The following PPHLN1 variants were observed in gnomAD, a reference collection of about 807,000 sequenced individuals.
PPHLN1 encodes the protein periphilin-1.
PPHLN1 carries 29 observed loss-of-function variants against 51.3 expected under a neutral mutation model. The ratio of observed to expected loss-of-function variants is 0.57; its 90% CI spans 0.42 to 0.77. PPHLN1 has a LOEUF of 0.77. Among genes scored for constraint, PPHLN1 ranks in the 30% least tolerant of loss-of-function variants. PPHLN1 has a pLI of 0.00. For missense variants in PPHLN1, 436 were observed against 438.4 expected, an observed-to-expected ratio of 0.99 and a Z score of 0.05; for synonymous variants, 147 against 147.8, an observed-to-expected ratio of 0.99 and a Z score of 0.04.
chr12:42,344,393 C>T (rs890944675), intron 2 of PPHLN1, among the ~76,000 whole-genome samples: 4 of 152,202 alleles, frequency 2.6e-5, no homozygotes, highest in South Asian at 2.1e-4. Context: ...AATCGACTAT[C>T]AGCTTCATTG....
At chr12:42,397,771 C>G (rs1261238922) in intron 8 of PPHLN1, among the ~76,000 whole-genome samples, 4 of 152,000 alleles carry the variant, frequency 2.6e-5, no homozygotes, top group African/African-American at 7.2e-5. Flanking sequence ...GTGTCTGGCT[C>G]TGTCGCCAGG....
In PPHLN1 at chr12:42,441,394, T is replaced by C; in HGVS notation, c.989T>C (p.Ile330Thr). The C allele has an allele frequency of 6.2e-7, 1 of 1,614,100 alleles. No individual in the cohort carries two copies. The highest frequency in any genetic ancestry group is 2.2e-5 in the East Asian group (1 of 44,878). The change falls in exon 10 of 10, where the codon ATA becomes ACA. Residue 330 changes from isoleucine to threonine, a missense_variant. Transcript: ENST00000358314. ...IEKDPSLEKS[I>T]QFALRQNLHE... The stretch of plus-strand genomic sequence containing the variant: ...AAAGATCCTTCATTAGAAAAGTCTA[T>C]ACAGTTTGCATTGAGGCAGAATTTA...
chr12:42,417,922 TTTTTTTTTTGTTTTTTTTTTG>T (rs1358956261), intron 9 of PPHLN1, among the ~76,000 whole-genome samples: 3 of 42,294 alleles, frequency 7.1e-5, no homozygotes, highest in Non-Finnish European at 7.9e-5. Flanking sequence ...AAGCCCTAGT[TTTTTTTTTTGTTTTTTTTTTG>T]TTTTTTTTTT....
At chr12:42,403,788 G>A (rs921821628) in intron 9 of PPHLN1, among the ~76,000 whole-genome samples, 4 of 152,120 alleles carry the variant, frequency 2.6e-5, no homozygotes, top group Non-Finnish European at 5.9e-5. Flanking sequence ...TCCAGTAAAG[G>A]TAATCCCCAT....
chr12:42,433,163 T>G, intron 9 of PPHLN1: 1 of 770,510 alleles, frequency 1.3e-6, no homozygotes, highest in Non-Finnish European at 2.4e-6. Flanking sequence ...TGACATAAAA[T>G]TCTCCTTTCA....
chr12:42,341,823 G>A (rs1428267655), intron 2 of PPHLN1, among the ~76,000 whole-genome samples: 1 of 151,970 alleles, frequency 6.6e-6, no homozygotes, highest in Admixed American at 6.6e-5. Context: ...GGGTTTCACC[G>A]TGTTAGCCAG....
downstream of PPHLN1, chr12:42,446,125 G>A (rs755479953): frequency 6.4e-7 from 1 of 1,568,448 alleles, no homozygotes; most frequent in South Asian, 1.2e-5. Context: ...GGGTTCGTCG[G>A]ACGACACAGC....
chr12:42,351,779 T>A, intron 2 of PPHLN1, 106 bp from the exon 3 acceptor site: 2 of 817,816 alleles, frequency 2.4e-6, no homozygotes, highest in East Asian at 3.3e-5. Context: ...GTTTATACAT[T>A]TAGCTCATTC....
At chr12:42,386,322 C>T (rs997106748) in intron 6 of PPHLN1, among the ~76,000 whole-genome samples, 1 of 152,192 alleles carries the variant, frequency 6.6e-6, no homozygotes, top group Non-Finnish European at 1.5e-5. Flanking sequence ...CAAAATTGTC[C>T]TCAGTTAAGA....
chr12:42,414,594 T>A lies in PPHLN1; in HGVS notation c.909+15600T>A, dbSNP rs553393939. 8.1e-4 allele frequency among the ~76,000 whole-genome samples: 124 copies of A among 152,330 alleles called. 2 individuals are homozygous for A. In the Middle Eastern group the frequency reaches 0.02, roughly 25 times the overall value. ...ATTCTCAGCTTGGTCGTTGTTGGTG[T>A]ATAGCAGTGCTACTGATTCATATAC... On this transcript the variant is annotated intron_variant, in intron 9 of 9. Transcript: ENST00000358314.
At chr12:42,341,496 T>G (rs895540361) in intron 2 of PPHLN1, among the ~76,000 whole-genome samples, 2 of 152,230 alleles carry the variant, frequency 1.3e-5, no homozygotes, top group Non-Finnish European at 2.9e-5. Context: ...AATTGAACAC[T>G]AATATACTTT....
intron 9 of PPHLN1, among the ~76,000 whole-genome samples, chr12:42,401,944 C>A (rs2078880584): frequency 6.6e-6 from 1 of 152,016 alleles, no homozygotes; most frequent in South Asian, 2.1e-4. Flanking sequence ...AGCCACCACC[C>A]CCCAGGCTCA....
chr12:42,335,794 A>G (rs556199310), intron 1 of PPHLN1, 89 bp from the exon 2 acceptor site: 1 of 554,798 alleles, frequency 1.8e-6, no homozygotes, highest in South Asian at 5.4e-5. Context: ...TCTGGAAAAT[A>G]TTTGTGTTGG....
intron 2 of PPHLN1, among the ~76,000 whole-genome samples, chr12:42,349,191 C>T (rs867043309): frequency 1.3e-5 from 2 of 152,042 alleles, no homozygotes; most frequent in African/African-American, 4.8e-5. Context: ...TATTTTTTTC[C>T]GTAGATTTGC....
chr12:42,366,218 C>T lies in PPHLN1; in HGVS notation c.300-8645C>T, dbSNP rs117679614. ...GGTTTTTACAGCTAACCACTAGTAC[C>T]GGACACTTTTTTTTTTTTTTTTTTT... On this transcript the variant is annotated intron_variant, in intron 4 of 9. Coordinates refer to ENST00000358314, the MANE Select transcript of PPHLN1 (RefSeq NM_201439.2). Among the ~76,000 whole-genome samples, 1,103 of 141,964 alleles carry T rather than the reference C, an allele frequency of 7.8e-3. 38 individuals are homozygous for T. The East Asian group carries it at 0.11, about 14-fold the overall frequency. 93.1% of individuals were successfully genotyped at this position (141,964 alleles called of 152,430 possible).
intron 4 of PPHLN1, among the ~76,000 whole-genome samples, chr12:42,370,432 C>T (rs1256902607): frequency 6.6e-6 from 1 of 152,194 alleles, no homozygotes; most frequent in Non-Finnish European, 1.5e-5. Flanking sequence ...ATTACTGAGA[C>T]AAAGGCCTTT....
At chr12:42,328,146 G>A (rs567177321) in intron 1 of PPHLN1, among the ~76,000 whole-genome samples, 93 of 152,274 alleles carry the variant, frequency 6.1e-4, no homozygotes, top group African/African-American at 1.9e-3. Flanking sequence ...TAGGTTTTGA[G>A]TTGGGCCTTG....
At chr12:42,432,448 T>C in intron 9 of PPHLN1, 1 of 761,824 alleles carries the variant, frequency 1.3e-6, no homozygotes. Flanking sequence ...TCATACTGTC[T>C]TCTCTGGGTA....
chr12:42,385,887 A>G (rs1374757042), intron 6 of PPHLN1, among the ~76,000 whole-genome samples: 3 of 152,224 alleles, frequency 2.0e-5, no homozygotes, highest in South Asian at 2.1e-4. Flanking sequence ...CACTGACACT[A>G]TCACACTATG....
Sources: gnomAD v4.1 joint callset for allele counts (sites outside exome capture counted in the v4.1 genomes callset) on GRCh38, gnomAD v4.1.1 for gene constraint, MANE v1.5 for transcripts, NCBI Gene and HGNC (gene_info 2026-07-23, HGNC 2026-07-21) for gene names.